The following CELF2 variants were observed in gnomAD, a reference collection of about 807,000 sequenced individuals.
The protein encoded by CELF2 is CUGBP Elav-like family member 2.
In CELF2, 8 loss-of-function variants were observed where a neutral mutation model predicts 62.6. The observed-to-expected ratio is 0.13, with a 90% CI of 0.07 to 0.23. The LOEUF is 0.23. CELF2 is among the 10% of genes least tolerant of loss of function. CELF2 has a pLI of 1.00. For synonymous variants in CELF2, 258 were observed against 250.0 expected (o/e 1.03, Z -0.30); for missense variants, 333 against 671.0 (o/e 0.50, Z 5.56).
At chr10:10,798,449 G>T, upstream of CELF2, 1 of 266,054 alleles carries the variant, frequency 3.8e-6, no homozygotes, top group Non-Finnish European at 7.0e-6. Flanking sequence ...AAGGAGGACG[G>T]TGTTAATAAA....
Position 10,957,968 on chromosome 10 carries a change from G to A in CELF2, c.89+37969G>A, listed in dbSNP as rs999564985. On this transcript the variant is annotated intron_variant, in intron 2 of 13. Transcript: ENST00000636488. This position sits in a 1 kb window ranked among gnomAD's most constrained non-coding sequence, Gnocchi z 4.1. ...GTTTCAGAGGAGCGCTATGACTTAA[G>A]GAATGTATATGAAATCTTCACCAGG... 2.6e-5 allele frequency among the ~76,000 whole-genome samples: 4 copies of A among 152,152 alleles called. No individual in the cohort carries two copies. Among genetic ancestry groups the A allele is most frequent in the Admixed American group, 2.0e-4 (3 of 15,276 alleles).
intron 1 of CELF2, among the ~76,000 whole-genome samples, chr10:11,115,671 A>G (rs1039446491): frequency 6.6e-6 from 1 of 152,238 alleles, no homozygotes; most frequent in African/African-American, 2.4e-5. Context: ...GCTACTCAAA[A>G]AGTCACAGCT....
intron 2 of CELF2, chr10:10,924,019 A>C (rs1370338225): frequency 6.6e-6 from 1 of 152,076 alleles, no homozygotes; most frequent in African/African-American, 2.4e-5. Context: ...TCATGGTGAA[A>C]CCCCACTTGT....
At chr10:10,476,450 G>A in the CELF2 span, among the ~76,000 whole-genome samples, 7 of 152,080 alleles carry the variant, frequency 4.6e-5, no homozygotes, top group African/African-American at 1.7e-4. Flanking sequence ...CTGGGACAAG[G>A]GATTTGATCC....
intron 1 of CELF2, among the ~76,000 whole-genome samples, chr10:10,820,428 C>T (rs1417488052): frequency 2.0e-5 from 3 of 152,194 alleles, no homozygotes; most frequent in African/African-American, 7.2e-5. Context: ...ATGTTAGAAA[C>T]CATGGACTTA....
chr10:10,571,276 A>G, the CELF2 span, among the ~76,000 whole-genome samples: 8 of 152,182 alleles, frequency 5.3e-5, no homozygotes, highest in Admixed American at 1.3e-4. Context: ...TACTAAATCT[A>G]TTAGTAAAGA....
At chr10:11,033,188 G>A (rs533710407) in intron 1 of CELF2, among the ~76,000 whole-genome samples, 13 of 151,840 alleles carry the variant, frequency 8.6e-5, no homozygotes, top group African/African-American at 3.1e-4. Context: ...TGAGGTGTGA[G>A]GGCAACTCAA....
chr10:10,956,606 G>A (rs2048923273), intron 2 of CELF2, among the ~76,000 whole-genome samples: 2 of 152,092 alleles, frequency 1.3e-5, no homozygotes, highest in East Asian at 1.9e-4. Flanking sequence ...GTGATTCAGG[G>A]AACTGCCATA....
At chr10:11,215,713 G>C (rs1363369605) in intron 2 of CELF2, among the ~76,000 whole-genome samples, 1 of 152,114 alleles carries the variant, frequency 6.6e-6, no homozygotes, top group Non-Finnish European at 1.5e-5. Context: ...CACTGAGACT[G>C]TGTTTGCTAG....
chr10:10,708,660 T>G, the CELF2 span, among the ~76,000 whole-genome samples: 1 of 152,334 alleles, frequency 6.6e-6, no homozygotes, highest in African/African-American at 2.4e-5. Flanking sequence ...TTCTCTTCTC[T>G]TCCTCTCTTT....
rs972841792 is a variant in CELF2 at position 11,008,142 on chromosome 10, A to G, written c.53+2702A>G. ...GGATACGTAATCTGTATCCTTCCAT[A>G]AGCCTCTATATGTAATGATTCCTCA... On this transcript the variant is annotated intron_variant, in intron 1 of 12. Transcript: ENST00000416382. This position sits in a 1 kb window ranked among gnomAD's most constrained non-coding sequence, Gnocchi z 4.5. Among the ~76,000 whole-genome samples, 4 of 152,224 alleles carry G rather than the reference A, an allele frequency of 2.6e-5. No individual in the cohort carries two copies. The highest frequency in any genetic ancestry group is 5.9e-5 in the Non-Finnish European group (4 of 68,042).
At chr10:10,650,259 A>G in the CELF2 span, among the ~76,000 whole-genome samples, 1 of 152,232 alleles carries the variant, frequency 6.6e-6, no homozygotes, top group Middle Eastern at 3.2e-3. Context: ...ATGAGCATTG[A>G]CTTGGGTAGA....
intron 12 of CELF2, among the ~76,000 whole-genome samples, chr10:11,327,670 A>G (rs893667879): frequency 2.6e-5 from 4 of 152,210 alleles, no homozygotes; most frequent in Admixed American, 2.0e-4. Flanking sequence ...CAGAGCAAAA[A>G]TCTTGGATCC....
At chr10:11,163,356 T>C (rs1026253093) in intron 1 of CELF2, among the ~76,000 whole-genome samples, 11 of 152,200 alleles carry the variant, frequency 7.2e-5, no homozygotes, top group Non-Finnish European at 1.5e-4. Context: ...CCACAAGTCT[T>C]TCCTGTCCCA....
rs60798946 is a variant in CELF2 at position 11,280,989 on chromosome 10, CGTGTGTGTGTGTGTGTGT to C, written c.841+5884_841+5901del. Among the ~76,000 whole-genome samples the C allele has an allele frequency of 1.5e-4, 21 of 144,514 alleles. No homozygotes were observed. The highest frequency in any genetic ancestry group is 5.1e-4 in the African/African-American group (20 of 38,956). The allele number at this position is 144,514 out of a possible 152,430, so 94.8% of individuals were successfully genotyped here. A position where few individuals can be genotyped will look rare whatever the true frequency, so the allele number is the denominator to read the frequency against. The stretch of plus-strand genomic sequence containing the variant: ...TGGCGTGCGTGTGCATGCCTGTGTG[CGTGTGTGTGTGTGTGTGT>C]GTGTGTGTGTGTGTTCAGAATGGGA... On this transcript the variant is annotated intron_variant, in intron 8 of 12. Coordinates refer to ENST00000633077, the MANE Select transcript of CELF2 (RefSeq NM_001326342.2). This position sits in a 1 kb window ranked among gnomAD's most constrained non-coding sequence, Gnocchi z 7.6.
the CELF2 span, among the ~76,000 whole-genome samples, chr10:10,534,771 G>A: frequency 6.6e-6 from 1 of 152,170 alleles, no homozygotes; most frequent in African/African-American, 2.4e-5. Flanking sequence ...AGGTCACCCT[G>A]ATATATTATT....
At chr10:11,261,847 T>G (rs2080728356) in intron 5 of CELF2, among the ~76,000 whole-genome samples, 1 of 152,214 alleles carries the variant, frequency 6.6e-6, no homozygotes, top group African/African-American at 2.4e-5. Flanking sequence ...GTGTTTGCTC[T>G]CAGAAGCAGA....
chr10:10,799,241 C>T (rs2054392033), intron 1 of CELF2, among the ~76,000 whole-genome samples: 1 of 152,040 alleles, frequency 6.6e-6, no homozygotes, highest in Non-Finnish European at 1.5e-5. Flanking sequence ...CACTTTGGGA[C>T]GCCAAGGTGG....
chr10:10,792,991 G>GA, the CELF2 span, among the ~76,000 whole-genome samples: 2 of 151,962 alleles, frequency 1.3e-5, no homozygotes, highest in African/African-American at 2.4e-5. Context: ...GATTCCAAAT[G>GA]AAAAAAGCAT....
Sources: gnomAD v4.1 joint callset for allele counts (sites outside exome capture counted in the v4.1 genomes callset) on GRCh38, gnomAD v4.1.1 for gene constraint, Gnocchi (gnomAD v3.1) non-coding constraint, MANE v1.5 for transcripts, NCBI Gene and HGNC (gene_info 2026-07-23, HGNC 2026-07-21) for gene names.